The following CELF2 variants were observed in gnomAD, a reference collection of about 807,000 sequenced individuals.
CELF2 encodes CUGBP Elav-like family member 2.
A neutral mutation model predicts 62.6 loss-of-function variants in CELF2; 8 were observed. That is an observed-to-expected ratio of 0.13 (90% confidence interval 0.07 to 0.23). CELF2 has a LOEUF of 0.23. Among genes scored for constraint, CELF2 ranks in the 10% least tolerant of loss-of-function variants. CELF2 has a pLI of 1.00. For missense variants in CELF2, 333 were observed against 671.0 expected, an observed-to-expected ratio of 0.50 and a Z score of 5.56; for synonymous variants, 258 against 250.0, an observed-to-expected ratio of 1.03 and a Z score of -0.30.
intron 2 of CELF2, among the ~76,000 whole-genome samples, chr10:10,975,549 A>G (rs1234750837): frequency 2.0e-5 from 3 of 152,208 alleles, no homozygotes; most frequent in Non-Finnish European, 4.4e-5. Context: ...AATCTTCCTT[A>G]CTTCTACAAC....
At chr10:10,926,865 A>G (rs895474300) in intron 2 of CELF2, among the ~76,000 whole-genome samples, 6 of 152,180 alleles carry the variant, frequency 3.9e-5, no homozygotes, top group African/African-American at 1.4e-4. Context: ...GGGTAAATCC[A>G]GTGGCCATTT....
chr10:11,310,461 T>G (rs1482547168), intron 9 of CELF2, among the ~76,000 whole-genome samples: 1 of 152,152 alleles, frequency 6.6e-6, no homozygotes. Context: ...AGAAAAATAT[T>G]TCTTCATCTA....
In CELF2 at chr10:11,091,879, A is replaced by AC. The variant is rs1378942264; in HGVS notation, c.75-73605dup. On this transcript the variant is annotated intron_variant, in intron 1 of 12. Transcript: ENST00000633077. ...ACAGATATAACTCGTTCATGAGGAA[A>AC]CCAGTAAGACGGTAACGTTGGCTTA... Among the ~76,000 whole-genome samples, 5 of 152,358 alleles carry AC rather than the reference A, an allele frequency of 3.3e-5. No homozygotes were observed. The East Asian group carries it at 9.6e-4, about 29-fold the overall frequency.
chr10:11,131,802 AAG>A (rs1381976197), intron 1 of CELF2, among the ~76,000 whole-genome samples: 1 of 152,190 alleles, frequency 6.6e-6, no homozygotes, highest in Non-Finnish European at 1.5e-5. Context: ...TCAGTGGTGA[AAG>A]AAACATCATT....
upstream of CELF2, among the ~76,000 whole-genome samples, chr10:11,016,938 T>C (rs1033709388): frequency 4.6e-5 from 7 of 152,246 alleles, no homozygotes; most frequent in Non-Finnish European, 8.8e-5. The surrounding 1 kb of genome is among the most constrained non-coding windows in gnomAD (Gnocchi z 5.2). Context: ...ATTTATGATG[T>C]TGATTCAGAA....
At chr10:10,811,012 G>A (rs1181543675) in intron 1 of CELF2, among the ~76,000 whole-genome samples, 1 of 152,184 alleles carries the variant, frequency 6.6e-6, no homozygotes, top group South Asian at 2.1e-4. Context: ...CAGAGAGTAT[G>A]CGCAGAGCCA....
Position 11,012,207 on chromosome 10 carries a change from C to G in CELF2, c.53+6767C>G, listed in dbSNP as rs1290930524. Among the ~76,000 whole-genome samples, 1 of 152,214 alleles carries G rather than the reference C, an allele frequency of 6.6e-6. No individual in the cohort carries two copies. On this transcript the variant is annotated intron_variant, in intron 1 of 12. Coordinates refer to the CELF2 transcript ENST00000416382. This position sits in a 1 kb window ranked among gnomAD's most constrained non-coding sequence, Gnocchi z 5.5. ...AAGCCTCAAAATGTCTTCACTCAGT[C>G]TGAAAGCAGTGCTTGCCCTAAAGAT...
At chr10:10,715,733 T>C in the CELF2 span, among the ~76,000 whole-genome samples, 2 of 152,178 alleles carry the variant, frequency 1.3e-5, no homozygotes, top group African/African-American at 2.4e-5. Flanking sequence ...ATAACTCCTC[T>C]CTCTGCTTGC....
the CELF2 span, among the ~76,000 whole-genome samples, chr10:10,700,795 C>T: frequency 2.0e-5 from 3 of 152,218 alleles, no homozygotes; most frequent in Non-Finnish European, 4.4e-5. Flanking sequence ...TCTCTCTCTT[C>T]AGAAGATCTC....
chr10:11,051,679 ATACAAT>A (rs1281404096), intron 1 of CELF2, among the ~76,000 whole-genome samples: 1 of 152,226 alleles, frequency 6.6e-6, no homozygotes, highest in East Asian at 1.9e-4. Context: ...TCACACAAAG[ATACAAT>A]TACAAGCTAG....
chr10:11,185,835 T>A (rs1419912819), intron 2 of CELF2, among the ~76,000 whole-genome samples: 3 of 152,244 alleles, frequency 2.0e-5, no homozygotes, highest in African/African-American at 4.8e-5. Context: ...TTTGGTATAA[T>A]GGCAATCCTG....
intron 2 of CELF2, among the ~76,000 whole-genome samples, chr10:10,929,086 T>C (rs899199324): frequency 1.3e-5 from 2 of 152,214 alleles, no homozygotes; most frequent in Admixed American, 1.3e-4. Context: ...TCTCTCACCC[T>C]TCTCACTCTT....
At chr10:10,915,147 AAAGAT>A (rs200736827) in intron 1 of CELF2, among the ~76,000 whole-genome samples, 15 of 138,314 alleles carry the variant, frequency 1.1e-4, no homozygotes, top group African/African-American at 4.5e-4. Context: ...AAAAAAAAAA[AAAGAT>A]TTTTTAGTGT....
chr10:10,890,757 G>C (rs572622025), intron 1 of CELF2, among the ~76,000 whole-genome samples: 1 of 152,352 alleles, frequency 6.6e-6, no homozygotes, highest in East Asian at 1.9e-4. Flanking sequence ...GCTCATGCCT[G>C]TAATCCCAGC....
Position 10,977,355 on chromosome 10 carries a change from T to C in CELF2, c.89+57356T>C, listed in dbSNP as rs535748585. On this transcript the variant is annotated intron_variant, in intron 2 of 13. Transcript: ENST00000636488. Reference sequence around the variant, plus strand: ...GTTTGCCAGTTATTTCCAAATACTATATCAGCAAGAAGTATCTTTAGTCTT... The same window carrying C: ...GTTTGCCAGTTATTTCCAAATACTACATCAGCAAGAAGTATCTTTAGTCTT... Among the ~76,000 whole-genome samples, 179 of 152,356 alleles carry C rather than the reference T, an allele frequency of 1.2e-3. 8 individuals are homozygous for C. In the South Asian group the frequency reaches 0.035, roughly 30 times the overall value.
In CELF2 at chr10:11,165,225, T is replaced by C; in HGVS notation, c.75-261T>C. On this transcript the variant is annotated intron_variant, in intron 1 of 12. Transcript: ENST00000633077. This position sits in a 1 kb window ranked among gnomAD's most constrained non-coding sequence, Gnocchi z 7.4. ...GCCTCCAAGATGTCCACGCCCTGGG[T>C]GACAGGCGGCAGGGCGCTGCCCCGT... The C allele has an allele frequency of 7.6e-7, 1 of 1,314,136 alleles. No individual in the cohort carries two copies. The highest frequency in any genetic ancestry group is 1.7e-5 in the South Asian group (1 of 57,780). 81.4% of individuals were successfully genotyped at this position (1,314,136 alleles called of 1,614,324 possible).
chr10:10,973,519 G>A (rs1191657528), intron 2 of CELF2, among the ~76,000 whole-genome samples: 3 of 152,122 alleles, frequency 2.0e-5, no homozygotes. Flanking sequence ...AAGAGGCAGG[G>A]CGTGAGTGGG....
the CELF2 span, among the ~76,000 whole-genome samples, chr10:10,721,526 C>T: frequency 1.3e-5 from 2 of 152,226 alleles, no homozygotes; most frequent in Admixed American, 6.5e-5. Context: ...AATGCTTCCT[C>T]TCCTCATCAA....
intron 2 of CELF2, chr10:10,948,484 T>G (rs1356195693): frequency 6.6e-6 from 1 of 152,166 alleles, no homozygotes; most frequent in Non-Finnish European, 1.5e-5. Context: ...GTACCTTCTG[T>G]GTTGGGCCTA....
Sources: allele counts gnomAD v4.1 joint callset (sites outside exome capture counted in the v4.1 genomes callset), GRCh38; gene constraint gnomAD v4.1.1; non-coding constraint Gnocchi (gnomAD v3.1); transcripts MANE v1.5; gene names NCBI Gene and HGNC (gene_info 2026-07-23, HGNC 2026-07-21).